The following KIAA1217 variants were observed in gnomAD, a reference collection of about 807,000 sequenced individuals.
KIAA1217 encodes the protein sickle tail protein homolog.
KIAA1217 carries 88 observed loss-of-function variants against 163.9 expected under a neutral mutation model. That is an observed-to-expected ratio of 0.54 (90% CI 0.45 to 0.64). KIAA1217 has a LOEUF of 0.64. Ranked by LOEUF, KIAA1217 falls within the 30% of genes least tolerant of loss-of-function variation. KIAA1217 has a pLI of 0.00. For missense variants in KIAA1217, 2,372 were observed against 2,475.0 expected (o/e 0.96, Z 0.88); for synonymous variants, 903 against 923.1 (o/e 0.98, Z 0.39).
chr10:23,886,354 A>C (rs1358274938), intron 1 of KIAA1217, among the ~76,000 whole-genome samples: 1 of 151,942 alleles, frequency 6.6e-6, no homozygotes, highest in African/African-American at 2.4e-5. Flanking sequence ...GATTGTCTCC[A>C]GTGTCCACGT....
intron 11 of KIAA1217, among the ~76,000 whole-genome samples, chr10:24,521,315 G>A (rs1018700379): frequency 3.3e-5 from 5 of 151,616 alleles, no homozygotes; most frequent in African/African-American, 9.7e-5. Flanking sequence ...GGGTGACAGA[G>A]GGAGACTCCA....
chr10:24,269,812 A>G (rs954000172), intron 2 of KIAA1217, among the ~76,000 whole-genome samples: 1 of 152,248 alleles, frequency 6.6e-6, no homozygotes, highest in Non-Finnish European at 1.5e-5. Flanking sequence ...CATTTTTAGG[A>G]GTAGCAGAGT....
intron 3 of KIAA1217, among the ~76,000 whole-genome samples, chr10:24,404,382 C>T (rs2056943665): frequency 6.6e-6 from 1 of 151,996 alleles, no homozygotes; most frequent in Admixed American, 6.6e-5. Context: ...TCCTGGCCAA[C>T]ATGGTGAAAC....
At chr10:23,956,265 C>G (rs1354342199) in intron 1 of KIAA1217, among the ~76,000 whole-genome samples, 3 of 152,090 alleles carry the variant, frequency 2.0e-5, no homozygotes, top group Admixed American at 6.6e-5. Context: ...TGTGTCCTTA[C>G]CTCTCACCCC....
intron 1 of KIAA1217, among the ~76,000 whole-genome samples, chr10:23,908,524 T>C (rs1842280109): frequency 6.6e-6 from 1 of 152,092 alleles, no homozygotes; most frequent in Non-Finnish European, 1.5e-5. Flanking sequence ...AACTGTTTAC[T>C]TTCTCTTGGT....
chr10:23,720,419 A>C (rs537229905), intron 1 of KIAA1217, among the ~76,000 whole-genome samples: 1 of 152,322 alleles, frequency 6.6e-6, no homozygotes, highest in South Asian at 2.1e-4. Flanking sequence ...GTTGACTAAT[A>C]AAACTGATTA....
At chr10:24,299,956 C>A (rs1365585014) in intron 2 of KIAA1217, among the ~76,000 whole-genome samples, 8 of 152,140 alleles carry the variant, frequency 5.3e-5, no homozygotes, top group African/African-American at 1.9e-4. Context: ...TAACTTTTCT[C>A]CTAGATTCTT....
At chr10:24,028,319 C>T (rs1259252036) in intron 2 of KIAA1217, among the ~76,000 whole-genome samples, 1 of 151,978 alleles carries the variant, frequency 6.6e-6, no homozygotes, top group Non-Finnish European at 1.5e-5. Flanking sequence ...TATATTCATT[C>T]ATTATAATAT....
intron 10 of KIAA1217, among the ~76,000 whole-genome samples, chr10:24,519,321 C>CGTCTCCG: frequency 6.6e-6 from 1 of 152,270 alleles, no homozygotes; most frequent in South Asian, 2.1e-4. Context: ...GGTGAGACCT[C>CGTCTCCG]GTCTCCGATC....
intron 1 of KIAA1217, among the ~76,000 whole-genome samples, chr10:23,763,065 G>A (rs561806794): frequency 1.9e-4 from 29 of 152,152 alleles, no homozygotes; most frequent in Admixed American, 3.3e-4. Flanking sequence ...AGGCTGTGAA[G>A]GACCTATTCA....
intron 1 of KIAA1217, among the ~76,000 whole-genome samples, chr10:23,955,357 T>C (rs942982809): frequency 1.3e-5 from 2 of 152,234 alleles, no homozygotes; most frequent in Non-Finnish European, 2.9e-5. Flanking sequence ...TCTACAATAC[T>C]GGTGTGGTAT....
At chr10:23,847,603 CTCTTT>C (rs1056416225) in intron 1 of KIAA1217, among the ~76,000 whole-genome samples, 22 of 152,048 alleles carry the variant, frequency 1.4e-4, no homozygotes, top group Non-Finnish European at 3.1e-4. Context: ...TGATTCTTCT[CTCTTT>C]TCTTCTTTGT....
chr10:24,051,903 T>C (rs1849543658), intron 2 of KIAA1217, among the ~76,000 whole-genome samples: 1 of 152,214 alleles, frequency 6.6e-6, no homozygotes, highest in South Asian at 2.1e-4. Flanking sequence ...CTCTGTGTGT[T>C]GTCTGTTCAC....
At chr10:24,248,688 AAAAAAAAAATG>A (rs2074128488) in intron 2 of KIAA1217, among the ~76,000 whole-genome samples, 1 of 151,108 alleles carries the variant, frequency 6.6e-6, no homozygotes, top group African/African-American at 2.4e-5. Flanking sequence ...AAAAAAAAAA[AAAAAAAAAATG>A]TCCCTCATAC....
intron 1 of KIAA1217, among the ~76,000 whole-genome samples, chr10:23,878,242 C>A (rs114702548): frequency 0.015 from 2,328 of 151,976 alleles, 61 homozygotes; most frequent in African/African-American, 0.05. Flanking sequence ...AGGCATACTT[C>A]TGCACCAAAA....
intron 2 of KIAA1217, among the ~76,000 whole-genome samples, chr10:24,192,901 T>G (rs189348891): frequency 6.6e-6 from 1 of 152,318 alleles, no homozygotes. Context: ...CTGCTCAGCC[T>G]CCTGAGTAAC....
chr10:23,746,169 T>C (rs1839404131), intron 1 of KIAA1217, among the ~76,000 whole-genome samples: 1 of 152,138 alleles, frequency 6.6e-6, no homozygotes, highest in Non-Finnish European at 1.5e-5. Flanking sequence ...ATGAGTAAGT[T>C]CTTCTATTAG....
intron 2 of KIAA1217, among the ~76,000 whole-genome samples, chr10:24,309,876 G>A (rs1464576986): frequency 6.6e-6 from 1 of 152,086 alleles, no homozygotes; most frequent in African/African-American, 2.4e-5. Context: ...CCACAAAGAG[G>A]GGCTTCTTAG....
chr10:23,975,868 A>G (rs1412349470), intron 1 of KIAA1217, among the ~76,000 whole-genome samples: 1 of 152,134 alleles, frequency 6.6e-6, no homozygotes, highest in African/African-American at 2.4e-5. Flanking sequence ...TTCCATGGCA[A>G]TTGTTAGAAT....
Sources: gnomAD v4.1 joint callset for allele counts (sites outside exome capture counted in the v4.1 genomes callset) on GRCh38, gnomAD v4.1.1 for gene constraint, MANE v1.5 for transcripts, NCBI Gene and HGNC (gene_info 2026-07-23, HGNC 2026-07-21) for gene names.